Variants in MAGEB2 observed in about 807,000 individuals in gnomAD.
The protein encoded by MAGEB2 is melanoma-associated antigen B2.
For missense variants in MAGEB2, 365 were observed against 243.2 expected (o/e 1.50, Z -3.33); for synonymous variants, 107 against 96.2 (o/e 1.11, Z -0.66).
At position 30,219,478 on chromosome X, in the gene MAGEB2, C is replaced by A. The variant is rs1490371187; in HGVS notation, c.898C>A (p.Pro300Thr). ...EFLAKVNGTT[P>T]CAFPTHYEEA... ...TTTGGCCAAGGTAAATGGTACCACC[C>A]CCTGTGCCTTCCCAACCCATTACGA... Residue 300 changes from proline to threonine, a missense_variant, in exon 2 of 2, where the codon CCC becomes ACC. By Grantham distance (38) the Pro-to-Thr change is conservative (BLOSUM62 -1). Coordinates refer to ENST00000378988, the MANE Select transcript of MAGEB2 (RefSeq NM_002364.5). The A allele has an allele frequency of 1.7e-6, 2 of 1,210,695 alleles. No individual in the cohort carries two copies. Among genetic ancestry groups the A allele is most frequent in the Non-Finnish European group, 2.2e-6 (2 of 894,895 alleles).
rs1033559594 is a variant in MAGEB2 at position 30,219,095 on chromosome X, A to G, written c.515A>G (p.Asn172Ser). The G allele has an allele frequency of 8.3e-7, 1 of 1,208,187 alleles. No individual in the cohort carries two copies. The highest frequency in any genetic ancestry group is 1.8e-5 in the African/African-American group (1 of 57,022). ...TTTGGCCTTGAGCTGAATAAAGTCA[A>G]CCCCAACGGCCACACTTACACCTTC... ...VVFGLELNKVNPNGHTYTFID... is the reference protein window; with the variant it reads ...VVFGLELNKVSPNGHTYTFID... The change falls in exon 2 of 2, where the codon AAC becomes AGC. Residue 172 changes from asparagine (N) to serine (S), a missense_variant. By Grantham distance (46) the Asn-to-Ser change is conservative. Transcript: ENST00000378988.
intron 1 of MAGEB2, among the ~76,000 whole-genome samples, chrX:30,217,795 G>C (rs775003266): frequency 1.2e-4 from 14 of 112,191 alleles, no homozygotes; most frequent in Non-Finnish European, 2.4e-4. Flanking sequence ...GAGTCAAATT[G>C]AGGAATCTGA....
chrX:30,219,097 C>T lies in MAGEB2; in HGVS notation c.517C>T (p.Pro173Ser), dbSNP rs1425580137. The change falls in exon 2 of 2, where the codon CCC (proline) becomes TCC (serine). Residue 173 changes from proline to serine, a missense_variant. Transcript: ENST00000378988. ...VFGLELNKVN[P>S]NGHTYTFIDK... ...TGGCCTTGAGCTGAATAAAGTCAAC[C>T]CCAACGGCCACACTTACACCTTCAT... The T allele has an allele frequency of 8.3e-6, 10 of 1,208,382 alleles. No homozygotes were observed. Among genetic ancestry groups the T allele is most frequent in the Middle Eastern group, 2.3e-4 (1 of 4,368 alleles).
At chrX:30,218,098 G>A (rs1226345502) in intron 1 of MAGEB2, among the ~76,000 whole-genome samples, 1 of 95,771 alleles carries the variant, frequency 1.0e-5, no homozygotes, top group Admixed American at 1.1e-4. Context: ...TCAGCACTGG[G>A]TGTCACTTCT....
rs1205950650 is a variant in MAGEB2 at position 30,218,874 on chromosome X, G to C, written c.294G>C (p.Gln98His). The C allele has an allele frequency of 8.3e-7, 1 of 1,207,198 alleles. No homozygotes were observed. ...GTGAGAAAAATGCAAGTTCCTCCCAGGCCTCAACATCCACTAAGAGCCCAA... is the reference window on the plus strand; with the variant it reads ...GTGAGAAAAATGCAAGTTCCTCCCACGCCTCAACATCCACTAAGAGCCCAA... ...HQGEKNASSS[Q>H]ASTSTKSPSE... The change falls in exon 2 of 2, where the codon CAG becomes CAC. Residue 98 changes from glutamine (Q) to histidine (H), a missense_variant. Coordinates refer to ENST00000378988, the MANE Select transcript of MAGEB2 (RefSeq NM_002364.5).
At position 30,219,987 on chromosome X, in the gene MAGEB2, A is replaced by G. The variant is rs1214243840; in HGVS notation, c.*447A>G. ...GAAGCCAGAGGTGTAAAAGTGGTCAATTCTTGGTTTACTTCATTTAATCTT... is the reference window on the plus strand; with the variant it reads ...GAAGCCAGAGGTGTAAAAGTGGTCAGTTCTTGGTTTACTTCATTTAATCTT... On this transcript the variant is annotated 3_prime_UTR_variant, in exon 2 of 2. Transcript: ENST00000378988. The G allele has an allele frequency of 2.4e-5, 3 of 125,611 alleles. No homozygotes were observed. The highest frequency in any genetic ancestry group is 2.7e-4 in the East Asian group (1 of 3,638). 10.4% of individuals were successfully genotyped at this position (125,611 alleles called of 1,213,427 possible). A position where few individuals can be genotyped will look rare whatever the true frequency, so the allele number is the denominator to read the frequency against.
chrX:30,219,277 T>C lies in MAGEB2; in HGVS notation c.697T>C (p.Tyr233His). Residue 233 changes from tyrosine (Y) to histidine (H), a missense_variant, in exon 2 of 2, where the codon TAT (tyrosine) becomes CAT (histidine). By Grantham distance (83) the Tyr-to-His change is moderately conservative (BLOSUM62 2). Coordinates refer to ENST00000378988, the MANE Select transcript of MAGEB2 (RefSeq NM_002364.5). ...IWEFLNMLGV[Y>H]DGEEHSVFGE... ...GGAATTCCTGAATATGTTGGGAGTC[T>C]ATGATGGAGAGGAGCACTCAGTCTT... The C allele has an allele frequency of 8.3e-7, 1 of 1,211,639 alleles. No individual in the cohort carries two copies. The highest frequency in any genetic ancestry group is 1.8e-5 in the South Asian group (1 of 56,921).
rs147433394 is a variant in MAGEB2, at chrX:30,216,250, A to G, written c.-6+595A>G. On this transcript the variant is annotated intron_variant, in intron 1 of 1. Coordinates refer to ENST00000378988, the MANE Select transcript of MAGEB2 (RefSeq NM_002364.5). ...CAACCTGACTTCCTCTCCCGGGACT[A>G]AAGAAGTTGAGGGCTACATCCAAGA... Among the ~76,000 whole-genome samples the G allele has an allele frequency of 1.8e-4, 20 of 111,893 alleles. No homozygotes were observed. The East Asian group carries it at 5.1e-3, about 29-fold the overall frequency.
At chrX:30,215,808 G>A (rs969391907) in intron 1 of MAGEB2, among the ~76,000 whole-genome samples, 153 bp downstream of exon 1, 1 of 100,332 alleles carries the variant, frequency 1.0e-5, no homozygotes, top group Non-Finnish European at 2.0e-5. Flanking sequence ...GGAAGGGTGG[G>A]GGGAGGGGCA....
intron 1 of MAGEB2, among the ~76,000 whole-genome samples, chrX:30,216,358 C>T (rs1341244578): frequency 9.0e-6 from 1 of 111,680 alleles, no homozygotes; most frequent in Non-Finnish European, 1.9e-5. Flanking sequence ...GAGGTGGTCT[C>T]AGGGAGGTGA....
chrX:30,218,737 T>G lies in MAGEB2; in HGVS notation c.157T>G (p.Ser53Ala). Reference sequence around the variant, plus strand: ...TGTTTCTGGGGGTGCTGCTTCAAGCTCTCCTGCTGCTGGCATTCCCCAGGA... The same window carrying G: ...TGTTTCTGGGGGTGCTGCTTCAAGCGCTCCTGCTGCTGGCATTCCCCAGGA... ...SSVSGGAASSSPAAGIPQEPQ... is the reference protein window; with the variant it reads ...SSVSGGAASSAPAAGIPQEPQ... Residue 53 changes from serine (S) to alanine (A), a missense_variant, in exon 2 of 2, where the codon TCT becomes GCT. Coordinates refer to ENST00000378988, the MANE Select transcript of MAGEB2 (RefSeq NM_002364.5). 1 of 1,197,642 alleles carries G rather than the reference T, an allele frequency of 8.3e-7. No homozygotes were observed. Among genetic ancestry groups the G allele is most frequent in the Non-Finnish European group, 1.1e-6 (1 of 887,641 alleles).
Position 30,219,710 on chromosome X carries a change from T to C in MAGEB2, c.*170T>C, listed in dbSNP as rs1924518470. ...TTATGCATGAATAACTTGTTGACTT[T>C]TTTTTTTTCTCTTTTTCAACTAGTG... On this transcript the variant is annotated 3_prime_UTR_variant, in exon 2 of 2. Coordinates refer to ENST00000378988, the MANE Select transcript of MAGEB2 (RefSeq NM_002364.5). The C allele has an allele frequency of 1.0e-5, 4 of 393,676 alleles. No individual in the cohort carries two copies. The East Asian group carries it at 1.2e-4, about 12-fold the overall frequency. 32.4% of individuals were successfully genotyped at this position (393,676 alleles called of 1,213,427 possible).
intron 1 of MAGEB2, among the ~76,000 whole-genome samples, chrX:30,216,854 C>G (rs12011617): frequency 0.15 from 15,112 of 99,033 alleles, 1,315 homozygotes; most frequent in African/African-American, 0.3. Flanking sequence ...CACTGCAGTC[C>G]GGCCTAGGCG....
At chrX:30,217,780 AC>A (rs1924441488) in intron 1 of MAGEB2, among the ~76,000 whole-genome samples, 1 of 112,206 alleles carries the variant, frequency 8.9e-6, no homozygotes, top group African/African-American at 3.2e-5. Flanking sequence ...GAGCTCCTCT[AC>A]CAGGAGTCAA....
chrX:30,219,260 T>C lies in MAGEB2; in HGVS notation c.680T>C (p.Leu227Pro). ...SATEEEIWEF[L>P]NMLGVYDGEE... Reference sequence around the variant, plus strand: ...ACTGAGGAAGAGATCTGGGAATTCCTGAATATGTTGGGAGTCTATGATGGA... The same window carrying C: ...ACTGAGGAAGAGATCTGGGAATTCCCGAATATGTTGGGAGTCTATGATGGA... Residue 227 changes from leucine to proline, a missense_variant, in exon 2 of 2, where the codon CTG (leucine) becomes CCG (proline). Leu to Pro is a moderately conservative substitution (Grantham distance 98). Coordinates refer to ENST00000378988, the MANE Select transcript of MAGEB2 (RefSeq NM_002364.5). The C allele has an allele frequency of 8.3e-7, 1 of 1,211,633 alleles. No individual in the cohort carries two copies. The highest frequency in any genetic ancestry group is 1.1e-6 in the Non-Finnish European group (1 of 895,419).
rs767384723 is a variant in MAGEB2 at position 30,219,370 on chromosome X, C to A, written c.790C>A (p.Pro264Thr). 3 of 1,211,842 alleles carry A rather than the reference C, an allele frequency of 2.5e-6. No individual in the cohort carries two copies. Among genetic ancestry groups the A allele is most frequent in the Non-Finnish European group, 3.4e-6 (3 of 895,380 alleles). ...AAAATATCTGGAGTACAAGCAGGTG[C>A]CCAGCAGTGATCCCCCACGCTTTCA... ...QEKYLEYKQV[P>T]SSDPPRFQFL... The change falls in exon 2 of 2, where the codon CCC becomes ACC. Residue 264 changes from proline (P) to threonine (T), a missense_variant. Physicochemically the swap from Pro to Thr is conservative, Grantham distance 38. Transcript: ENST00000378988.
Position 30,218,944 on chromosome X carries a change from C to T in MAGEB2, c.364C>T (p.Leu122=), listed in dbSNP as rs931459540. ...GAAGTCAGGGTCGTTGGTGCAGTTC[C>T]TGTTGTACAAGTATAAAATAAAAAA... The part of the protein sequence containing the change: ...TRKSGSLVQF[L]LYKYKIKKSV... Residue 122 remains leucine (L), a synonymous_variant, in exon 2 of 2, where the codon CTG becomes TTG. Transcript: ENST00000378988. 1.2e-5 allele frequency: 14 copies of T among 1,209,175 alleles called. No individual in the cohort carries two copies. Among genetic ancestry groups the T allele is most frequent in the Non-Finnish European group, 1.3e-5 (12 of 894,538 alleles).
Position 30,219,017 on chromosome X carries a change from G to A in MAGEB2, c.437G>A (p.Arg146Lys), listed in dbSNP as rs1276052666. The change falls in exon 2 of 2, where the codon AGG becomes AAG. Residue 146 changes from arginine (R) to lysine (K), a missense_variant. Transcript: ENST00000378988. Reference sequence around the variant, plus strand: ...CTGAAAATTGTTGGCAAAAGGTTCAGGGAGCACTTCCCTGAGATCCTCAAG... The same window carrying A: ...CTGAAAATTGTTGGCAAAAGGTTCAAGGAGCACTTCCCTGAGATCCTCAAG... ...EMLKIVGKRFREHFPEILKKA... is the reference protein window; with the variant it reads ...EMLKIVGKRFKEHFPEILKKA... 1.7e-6 allele frequency: 2 copies of A among 1,209,385 alleles called. No individual in the cohort carries two copies. The highest frequency in any genetic ancestry group is 2.2e-6 in the Non-Finnish European group (2 of 894,913).
chrX:30,217,176 A>G (rs957648587), intron 1 of MAGEB2, among the ~76,000 whole-genome samples: 1 of 112,017 alleles, frequency 8.9e-6, no homozygotes, highest in African/African-American at 3.2e-5. Flanking sequence ...TGGCATTACT[A>G]TAAATACCCA....
Sources: gnomAD v4.1 joint callset for allele counts (sites outside exome capture counted in the v4.1 genomes callset) on GRCh38, gnomAD v4.1.1 for gene constraint, MANE v1.5 for transcripts, NCBI Gene and HGNC (gene_info 2026-07-23, HGNC 2026-07-21) for gene names.